Variants in INVS observed in about 807,000 individuals in gnomAD.
INVS encodes the protein inversin, also known as inversion of embryo turning homolog.
In INVS, 86 loss-of-function variants were observed where a neutral mutation model predicts 108.8. The ratio of observed to expected loss-of-function variants is 0.79; its 90% CI spans 0.66 to 0.95. The LOEUF (loss-of-function observed/expected upper bound fraction) is 0.95, where lower values mean the gene tolerates loss of function less well. Ranked by LOEUF, INVS falls within the 40% of genes least tolerant of loss-of-function variation. The pLI, the probability that INVS is intolerant of heterozygous loss-of-function variation, is 0.00. For missense variants in INVS, 1,169 were observed against 1,297.4 expected, an observed-to-expected ratio of 0.90 and a Z score of 1.52; for synonymous variants, 455 against 473.5, an observed-to-expected ratio of 0.96 and a Z score of 0.51.
chr9:100,202,599 G>T (rs957553018), intron 3 of INVS, among the ~76,000 whole-genome samples: 3 of 150,584 alleles, frequency 2.0e-5, no homozygotes, highest in South Asian at 2.1e-4. Context: ...CTTTCTTTCC[G>T]CATATCACTT....
rs1829704677 is a variant in INVS at position 100,176,128 on chromosome 9, C to A, written c.273+49579C>A. On this transcript the variant is annotated intron_variant, in intron 3 of 16. Transcript: ENST00000262457. ...GAATCCTTCCTCTCCCCTCCTGCCT[C>A]CCTCATAGGATTTTACTTGTTTGGA... The A allele has an allele frequency of 6.8e-6, 3 of 441,270 alleles. No individual in the cohort carries two copies. The Admixed American group carries it at 8.2e-5, about 12-fold the overall frequency. The allele number at this position is 441,270 out of a possible 1,614,324, so 27.3% of individuals were successfully genotyped here. A position where few individuals can be genotyped will look rare whatever the true frequency, so the allele number is the denominator to read the frequency against.
intron 11 of INVS, among the ~76,000 whole-genome samples, chr9:100,267,294 AC>A (rs1351687440): frequency 6.6e-5 from 10 of 152,224 alleles, no homozygotes; most frequent in African/African-American, 2.4e-4. Flanking sequence ...AATCCTCCTA[AC>A]TTTACTTGCC....
intron 3 of INVS, chr9:100,175,419 A>G: frequency 1.1e-6 from 1 of 911,052 alleles, no homozygotes; most frequent in Non-Finnish European, 1.8e-6. Context: ...AGTCCTGGTC[A>G]AGAAACAGAT....
chr9:100,223,118 CAG>C (rs1831203271), intron 3 of INVS, among the ~76,000 whole-genome samples: 1 of 150,092 alleles, frequency 6.7e-6, no homozygotes, highest in South Asian at 2.1e-4. Context: ...TTTTTTGAGA[CAG>C]AGTCTCACTG....
At chr9:100,110,880 T>C (rs747453971) in intron 2 of INVS, among the ~76,000 whole-genome samples, 10 of 152,322 alleles carry the variant, frequency 6.6e-5, no homozygotes, top group Non-Finnish European at 1.0e-4. Context: ...TTATAAAATC[T>C]CAAGTCCTCT....
Position 100,242,603 on chromosome 9 carries a change from G to T in INVS, c.830G>T (p.Arg277Ile), listed in dbSNP as rs1230011174. Reference protein sequence around the residue: ...HAQIVHLLLERNKSGTIPSDS... With the variant: ...HAQIVHLLLEINKSGTIPSDS... ...CAGATTGTCCATCTCCTTTTAGAAA[G>T]AAATAAGTCTGGAACTATCCCATCT... Residue 277 changes from arginine (R) to isoleucine (I), a missense_variant, in exon 7 of 17, where the codon AGA becomes ATA. Around this residue, in one of 3 missense-constraint regions of INVS, gnomAD observed 365 missense variants for 397.5 expected, o/e 0.92. Transcript: ENST00000262457. The T allele has an allele frequency of 6.2e-7, 1 of 1,611,060 alleles. No homozygotes were observed. Among genetic ancestry groups the T allele is most frequent in the African/African-American group, 1.3e-5 (1 of 74,806 alleles).
At chr9:100,131,533 A>G (rs539057510) in intron 3 of INVS, among the ~76,000 whole-genome samples, 2 of 152,262 alleles carry the variant, frequency 1.3e-5, no homozygotes, top group East Asian at 1.9e-4. Context: ...CAAGAAAGCA[A>G]TTGGTCATAC....
At chr9:100,194,306 G>C (rs1029640754) in intron 3 of INVS, among the ~76,000 whole-genome samples, 2 of 152,072 alleles carry the variant, frequency 1.3e-5, no homozygotes, top group African/African-American at 2.4e-5. Flanking sequence ...GGTTTGTAGT[G>C]GTATTAATTT....
intron 3 of INVS, among the ~76,000 whole-genome samples, chr9:100,183,058 A>C (rs572907078): frequency 2.0e-5 from 3 of 152,224 alleles, no homozygotes; most frequent in Non-Finnish European, 2.9e-5. Flanking sequence ...CTCACTCATA[A>C]ATGGGAGTTG....
chr9:100,173,261 CA>C (rs943610369), intron 3 of INVS, among the ~76,000 whole-genome samples: 19 of 152,296 alleles, frequency 1.2e-4, no homozygotes, highest in Admixed American at 9.8e-4. Flanking sequence ...GCAGAAATTG[CA>C]TTGTAATCAG....
intron 3 of INVS, among the ~76,000 whole-genome samples, chr9:100,161,364 CAAA>C (rs35392930): frequency 8.1e-4 from 10 of 12,382 alleles, no homozygotes; most frequent in African/African-American, 3.0e-3. Context: ...ACTTCCATCT[CAAA>C]AAAAAAAAAA....
chr9:100,246,782 G>A lies in INVS; in HGVS notation c.1073G>A (p.Gly358Asp). 1 of 1,613,632 alleles carries A rather than the reference G, an allele frequency of 6.2e-7. No individual in the cohort carries two copies. Among genetic ancestry groups the A allele is most frequent in the Non-Finnish European group, 8.5e-7 (1 of 1,179,624 alleles). Residue 358 changes from glycine (G) to aspartate (D), a missense_variant, in exon 8 of 17, where the codon GGT becomes GAT. This residue lies in a region of INVS where 271 missense variants were observed against 363.8 expected (regional missense o/e 0.74). Transcript: ENST00000262457. ...ATTAACATGGCTGACAAATATGGAGGTACAGGTGAGAACTGGTGGACACAT... is the reference window on the plus strand; with the variant it reads ...ATTAACATGGCTGACAAATATGGAGATACAGGTGAGAACTGGTGGACACAT... ...IDINMADKYGGTALHAAALSG... is the reference protein window; with the variant it reads ...IDINMADKYGDTALHAAALSG...
At chr9:100,226,002 TA>T (rs935519829) in intron 3 of INVS, 59 bp from the exon 4 acceptor site, 67 of 1,250,140 alleles carry the variant, frequency 5.4e-5, no homozygotes, top group African/African-American at 1.1e-4. Context: ...ATTTTAAAAT[TA>T]AAAAAAATTT....
chr9:100,283,134 C>T (rs1206476345), intron 12 of INVS, among the ~76,000 whole-genome samples: 1 of 151,500 alleles, frequency 6.6e-6, no homozygotes, highest in Non-Finnish European at 1.5e-5. Context: ...CAAAGTGAGA[C>T]CCCCCCTCCC....
At chr9:100,215,250 C>T (rs1390000270) in intron 3 of INVS, among the ~76,000 whole-genome samples, 1 of 152,130 alleles carries the variant, frequency 6.6e-6, no homozygotes, top group East Asian at 1.9e-4. Context: ...TGGCTGGCTG[C>T]CACCCAAGGG....
At chr9:100,147,641 T>C (rs1033041778) in intron 3 of INVS, among the ~76,000 whole-genome samples, 2 of 152,026 alleles carry the variant, frequency 1.3e-5, no homozygotes, top group Non-Finnish European at 2.9e-5. Context: ...AAATGATATA[T>C]ATAGAAGGTT....
intron 1 of INVS, chr9:100,101,435 T>A (rs1428444988): frequency 6.6e-6 from 1 of 152,050 alleles, no homozygotes; most frequent in African/African-American, 2.4e-5. Flanking sequence ...CAAATAACCT[T>A]AATATAATCC....
chr9:100,201,986 G>A (rs547803973), intron 3 of INVS, among the ~76,000 whole-genome samples: 1 of 152,276 alleles, frequency 6.6e-6, no homozygotes, highest in East Asian at 1.9e-4. Flanking sequence ...TGGCCATAGT[G>A]CTTCTCATAT....
chr9:100,232,441 G>C (rs555150038), intron 5 of INVS, among the ~76,000 whole-genome samples: 5 of 152,226 alleles, frequency 3.3e-5, no homozygotes, highest in African/African-American at 1.2e-4. Context: ...CCTATGTCCT[G>C]AATGGTATCG....
Sources: allele counts gnomAD v4.1 joint callset (sites outside exome capture counted in the v4.1 genomes callset), GRCh38; gene constraint gnomAD v4.1.1; regional missense constraint gnomAD v4.1.1; transcripts MANE v1.5; gene names NCBI Gene and HGNC (gene_info 2026-07-23, HGNC 2026-07-21).